Variants in CFAP206 observed in about 807,000 individuals in gnomAD.
The protein encoded by CFAP206 is cilia and flagella associated protein 206, also known as cilia- and flagella-associated protein 206.
A neutral mutation model predicts 65.4 loss-of-function variants in CFAP206; 53 were observed. That is an observed-to-expected ratio of 0.81 (90% confidence interval 0.65 to 1.02). CFAP206 has a LOEUF of 1.02. CFAP206 is among the 50% of genes least tolerant of loss of function. The pLI, the probability that CFAP206 is intolerant of heterozygous loss-of-function variation, is 0.00. For synonymous variants in CFAP206, 250 were observed against 254.4 expected (o/e 0.98, Z 0.17); for missense variants, 663 against 753.2 (o/e 0.88, Z 1.40).
At chr6:87,430,936 A>G in intron 9 of CFAP206, 97 bp from the exon 10 acceptor site, 2 of 1,158,570 alleles carry the variant, frequency 1.7e-6, no homozygotes, top group Non-Finnish European at 2.4e-6. Flanking sequence ...GTACAAAGCA[A>G]TAAAAAGGTA....
intron 2 of CFAP206, 55 bp from the exon 3 acceptor site, chr6:87,410,530 A>G: frequency 7.9e-7 from 1 of 1,261,736 alleles, no homozygotes; most frequent in South Asian, 1.2e-5. Context: ...ATATGAAATA[A>G]AATTGCTTAA....
At position 87,418,396 on chromosome 6, in the gene CFAP206, G is replaced by T; in HGVS notation, c.820G>T (p.Val274Phe). The T allele has an allele frequency of 6.2e-7, 1 of 1,606,380 alleles. No homozygotes were observed. The highest frequency in any genetic ancestry group is 1.3e-5 in the African/African-American group (1 of 74,754). Reference protein sequence around the residue: ...EALYNIRQYEVFLQIILSDII... With the variant: ...EALYNIRQYEFFLQIILSDII... The stretch of plus-strand genomic sequence containing the variant: ...GCTATATAATATACGACAATATGAG[G>T]TCTTCCTTCAGATCATTTTGGTGAG... Residue 274 changes from valine (V) to phenylalanine (F), a missense_variant, in exon 7 of 13, where the codon GTC (valine) becomes TTC (phenylalanine). Transcript: ENST00000369562.
intron 7 of CFAP206, 98 bp downstream of exon 7, chr6:87,418,514 C>A: frequency 1.0e-6 from 1 of 956,874 alleles, no homozygotes; most frequent in South Asian, 1.5e-5. Flanking sequence ...AAGGAGAAAA[C>A]CTCAGTAACT....
rs533435093 is a variant in CFAP206 at position 87,455,898 on chromosome 6, A to C, written c.1495-5124A>C. On this transcript the variant is annotated intron_variant, in intron 11 of 12. Coordinates refer to ENST00000369562, the MANE Select transcript of CFAP206 (RefSeq NM_001031743.3). ...CCCAGCAAAGAAAAGCCAGGGACCC[A>C]GTGGCTTCACTGCTGAATTTTACCA... 2.5e-3 allele frequency among the ~76,000 whole-genome samples: 374 copies of C among 152,326 alleles called. 2 individuals are homozygous for C. Among genetic ancestry groups the C allele is most frequent in the African/African-American group, 8.7e-3 (360 of 41,592 alleles).
Position 87,418,233 on chromosome 6 carries a change from C to G in CFAP206, c.657C>G (p.Ile219Met). 2 of 1,614,156 alleles carry G rather than the reference C, an allele frequency of 1.2e-6. No homozygotes were observed. Among genetic ancestry groups the G allele is most frequent in the Non-Finnish European group, 1.7e-6 (2 of 1,180,038 alleles). The change falls in exon 7 of 13, where the codon ATC becomes ATG. Residue 219 changes from isoleucine (I) to methionine (M), a missense_variant. Coordinates refer to ENST00000369562, the MANE Select transcript of CFAP206 (RefSeq NM_001031743.3). ...TGCCAGCTGTTCTCCATGTAGCAAT[C>G]CCAGCCACCATGCAGCATATTGATT... The part of the protein sequence containing the change: ...DDLPAVLHVA[I>M]PATMQHIDYQ...
chr6:87,410,060 C>A, intron 2 of CFAP206, 113 bp downstream of exon 2: 1 of 730,872 alleles, frequency 1.4e-6, no homozygotes, highest in South Asian at 1.8e-5. Context: ...TCAGTTGAAG[C>A]ATAACGAGAT....
chr6:87,411,184 T>C (rs1767729392), intron 3 of CFAP206, among the ~76,000 whole-genome samples: 1 of 152,234 alleles, frequency 6.6e-6, no homozygotes, highest in Non-Finnish European at 1.5e-5. Context: ...AGTATTTTAG[T>C]GAAACCTTGT....
chr6:87,425,090 G>A (rs758536486), intron 7 of CFAP206, among the ~76,000 whole-genome samples: 6 of 152,106 alleles, frequency 3.9e-5, no homozygotes, highest in Admixed American at 6.5e-5. Context: ...AATCTGATAT[G>A]GGAAAATGAA....
rs1767656093 is a variant in CFAP206, at chr6:87,408,068, C to T, written c.-27C>T. The T allele has an allele frequency of 2.0e-6, 2 of 985,410 alleles. No homozygotes were observed. The highest frequency in any genetic ancestry group is 2.4e-6 in the Non-Finnish European group (2 of 829,926). The allele number at this position is 985,410 out of a possible 1,614,324, so 61.0% of individuals were successfully genotyped here. ...AGGACAGAAGCAGACAGACACGGCT[C>T]CTGCTGTCGATTCCGATCCAGGTCA... On this transcript the variant is annotated 5_prime_UTR_variant, in exon 1 of 13. Coordinates refer to ENST00000369562, the MANE Select transcript of CFAP206 (RefSeq NM_001031743.3).
At chr6:87,457,623 G>A (rs1265140803) in intron 11 of CFAP206, among the ~76,000 whole-genome samples, 1 of 152,198 alleles carries the variant, frequency 6.6e-6, no homozygotes, top group Non-Finnish European at 1.5e-5. Context: ...ATGTGCAGAA[G>A]AATGAAACTA....
intron 3 of CFAP206, among the ~76,000 whole-genome samples, chr6:87,412,476 A>G (rs1767750460): frequency 6.6e-6 from 1 of 152,092 alleles, no homozygotes. Context: ...AGAGAAGGAA[A>G]GAAAAACTGA....
chr6:87,415,972 C>A, intron 5 of CFAP206, 98 bp downstream of exon 5: 1 of 944,184 alleles, frequency 1.1e-6, no homozygotes, highest in Non-Finnish European at 1.4e-6. Flanking sequence ...ATTGAAGTTC[C>A]CTTTTTATCT....
chr6:87,417,809 G>T (rs1377840549), intron 6 of CFAP206, among the ~76,000 whole-genome samples: 3 of 145,324 alleles, frequency 2.1e-5, no homozygotes, highest in Middle Eastern at 3.5e-3. Context: ...AGATTGGAGT[G>T]CAGTGGCGCG....
At chr6:87,435,315 T>A (rs888961134) in intron 11 of CFAP206, 1 of 286,966 alleles carries the variant, frequency 3.5e-6, no homozygotes, top group Admixed American at 4.8e-5. Context: ...TTATAAATAA[T>A]TGAAGCTGCA....
At position 87,415,833 on chromosome 6, in the gene CFAP206, T is replaced by C; in HGVS notation, c.431T>C (p.Leu144Pro). The change falls in exon 5 of 13, where the codon CTT (leucine) becomes CCT (proline). Residue 144 changes from leucine (L) to proline (P), a missense_variant. Leu to Pro is a moderately conservative substitution (Grantham distance 98). Transcript: ENST00000369562. ...IISYVLLRSG[L>P]GSPTDIKTVR... is the part of the protein sequence containing the mutation. ...AGCTATGTGTTACTCCGCTCTGGCC[T>C]TGGATCCCCTACAGACATCAAGACT... The C allele has an allele frequency of 6.2e-7, 1 of 1,609,238 alleles. No individual in the cohort carries two copies. Among genetic ancestry groups the C allele is most frequent in the South Asian group, 1.1e-5 (1 of 89,806 alleles).
At position 87,464,262 on chromosome 6, in the gene CFAP206, G is replaced by A. The variant is rs551746287; in HGVS notation, c.*12G>A. 1.3e-6 allele frequency: 2 copies of A among 1,596,460 alleles called. No homozygotes were observed. The highest frequency in any genetic ancestry group is 1.1e-5 in the South Asian group (1 of 90,072). On this transcript the variant is annotated 3_prime_UTR_variant, in exon 13 of 13. Transcript: ENST00000369562. The stretch of plus-strand genomic sequence containing the variant: ...TGGATGAAACCTAATTACAGACAAC[G>A]TTTTAAAATAGATGCTACTCAATTA...
At chr6:87,450,383 A>C (rs1562009716) in intron 11 of CFAP206, among the ~76,000 whole-genome samples, 1 of 151,426 alleles carries the variant, frequency 6.6e-6, no homozygotes, top group Non-Finnish European at 1.5e-5. Flanking sequence ...GATTGCGTTG[A>C]ATTTGTGGAT....
intron 6 of CFAP206, among the ~76,000 whole-genome samples, chr6:87,417,250 C>T (rs140560558): frequency 2.2e-4 from 34 of 152,214 alleles, no homozygotes; most frequent in African/African-American, 7.5e-4. Context: ...TCTCTAAATT[C>T]GGGGGCATTT....
intron 12 of CFAP206, among the ~76,000 whole-genome samples, chr6:87,461,406 C>A (rs927518076): frequency 6.6e-6 from 1 of 152,082 alleles, no homozygotes; most frequent in African/African-American, 2.4e-5. Flanking sequence ...AGTTTTAAAA[C>A]TTGGTGCTAG....
Sources: gnomAD v4.1 joint callset for allele counts (sites outside exome capture counted in the v4.1 genomes callset) on GRCh38, gnomAD v4.1.1 for gene constraint, MANE v1.5 for transcripts, NCBI Gene and HGNC (gene_info 2026-07-23, HGNC 2026-07-21) for gene names.